Variants in SYCP1 observed in about 807,000 individuals in gnomAD.
SYCP1 encodes cancer/testis antigen 8.
A neutral mutation model predicts 153.1 loss-of-function variants in SYCP1; 64 were observed. That is an observed-to-expected ratio of 0.42 (90% CI 0.34 to 0.51). SYCP1 has a LOEUF of 0.51. Ranked by LOEUF, SYCP1 falls within the 20% of genes least tolerant of loss-of-function variation. The probability of loss-of-function intolerance (pLI) is 0.06; values close to 1 mark genes in which losing one functional copy is unlikely to be tolerated. For synonymous variants in SYCP1, 384 were observed against 341.8 expected (o/e 1.12, Z -1.36); for missense variants, 997 against 1,049.0 (o/e 0.95, Z 0.68).
rs1015769625 is a variant in SYCP1 at position 114,910,482 on chromosome 1, G to C, written c.1406G>C (p.Gly469Ala). ...ELKGTEQELI[G>A]LLQAREKEVH... Reference sequence around the variant, plus strand: ...AAAGGAACAGAACAAGAACTAATTGGTCTTCTCCAAGCCAGAGAGGTTTGT... The same window carrying C: ...AAAGGAACAGAACAAGAACTAATTGCTCTTCTCCAAGCCAGAGAGGTTTGT... Residue 469 changes from glycine to alanine, a missense_variant, in exon 17 of 32, where the codon GGT becomes GCT. Gly to Ala is a moderately conservative substitution (Grantham distance 60). This residue lies in a region of SYCP1 where 712 missense variants were observed against 682.9 expected (regional missense o/e 1.04). Transcript: ENST00000369522. 3 of 1,585,218 alleles carry C rather than the reference G, an allele frequency of 1.9e-6. No homozygotes were observed. The highest frequency in any genetic ancestry group is 2.7e-5 in the African/African-American group (2 of 73,260).
rs1570824351 is a variant in SYCP1 at position 114,944,262 on chromosome 1, C to T, written c.1927-77C>T. On this transcript the variant is annotated intron_variant, in intron 23 of 31. Transcript: ENST00000369522. Reference sequence around the variant, plus strand: ...AAGTAATCTTCTAAGATTCACAAAACCACAAAATGAATATGGAATGTTTTC... The same window carrying T: ...AAGTAATCTTCTAAGATTCACAAAATCACAAAATGAATATGGAATGTTTTC... 6 of 848,938 alleles carry T rather than the reference C, an allele frequency of 7.1e-6. No homozygotes were observed. In the East Asian group the frequency reaches 1.7e-4, roughly 24 times the overall value. 52.6% of individuals were successfully genotyped at this position (848,938 alleles called of 1,614,324 possible).
In SYCP1 at chr1:114,910,451, G is replaced by A. The variant is rs757017505; in HGVS notation, c.1375G>A (p.Glu459Lys). ...ENKQFEKIAE[E>K]LKGTEQELIG... is the part of the protein sequence containing the mutation. ...TAAACAATTTGAGAAGATTGCTGAA[G>A]AATTAAAAGGAACAGAACAAGAACT... Residue 459 changes from glutamate to lysine, a missense_variant, in exon 17 of 32, where the codon GAA becomes AAA. Glu to Lys is a moderately conservative substitution (Grantham distance 56). Transcript: ENST00000369522. 6.2e-7 allele frequency: 1 copy of A among 1,604,510 alleles called. No homozygotes were observed. Among genetic ancestry groups the A allele is most frequent in the Non-Finnish European group, 8.5e-7 (1 of 1,176,278 alleles).
chr1:114,857,136 CAAAAA>C (rs71582509), intron 3 of SYCP1, 91 bp from the exon 4 acceptor site: 539 of 244,576 alleles, frequency 2.2e-3, no homozygotes, highest in East Asian at 3.4e-3. Context: ...CTCTCTCTCT[CAAAAA>C]AAAAAAAAAA....
At chr1:114,970,856 T>C (rs950649502) in intron 27 of SYCP1, among the ~76,000 whole-genome samples, 5 of 152,024 alleles carry the variant, frequency 3.3e-5, no homozygotes, top group African/African-American at 1.2e-4. Context: ...TTGGTTGTAG[T>C]TTTGTTTAGT....
intron 27 of SYCP1, among the ~76,000 whole-genome samples, chr1:114,967,530 C>G (rs1382165833): frequency 6.6e-6 from 1 of 152,116 alleles, no homozygotes; most frequent in Admixed American, 6.5e-5. Context: ...TTTCCATTTG[C>G]TTGGTAAATA....
intron 12 of SYCP1, among the ~76,000 whole-genome samples, chr1:114,885,156 T>G (rs1666206187): frequency 6.6e-6 from 1 of 152,154 alleles, no homozygotes; most frequent in African/African-American, 2.4e-5. Flanking sequence ...CCACTCTTTT[T>G]ATTCTATGTT....
intron 8 of SYCP1, among the ~76,000 whole-genome samples, chr1:114,871,296 T>G (rs991087167): frequency 6.6e-6 from 1 of 151,756 alleles, no homozygotes; most frequent in African/African-American, 2.4e-5. Flanking sequence ...GCCTCCTGAG[T>G]AGCTGAGATT....
intron 28 of SYCP1, among the ~76,000 whole-genome samples, chr1:114,978,454 C>G (rs866254327): frequency 7.9e-5 from 12 of 151,506 alleles, no homozygotes; most frequent in Admixed American, 3.3e-4. Context: ...GAATGTTACC[C>G]TAGTGGTACT....
At chr1:114,926,645 G>A in intron 23 of SYCP1, 82 bp downstream of exon 23, 1 of 1,193,468 alleles carries the variant, frequency 8.4e-7, no homozygotes, top group Non-Finnish European at 1.2e-6. Context: ...TGTTTATACA[G>A]TATAAATTCA....
chr1:114,856,795 A>G (rs1012213964), intron 3 of SYCP1, 138 bp downstream of exon 3: 4 of 649,830 alleles, frequency 6.2e-6, no homozygotes, highest in Non-Finnish European at 9.9e-6. Flanking sequence ...AATATAAAAA[A>G]TAAGGCTGGA....
At position 114,880,773 on chromosome 1, in the gene SYCP1, C is replaced by A. The variant is rs1414079013; in HGVS notation, c.910+2571C>A. 1.3e-5 allele frequency among the ~76,000 whole-genome samples: 2 copies of A among 152,050 alleles called. 1 individual carries two copies. The highest frequency in any genetic ancestry group is 4.1e-4 in the South Asian group (2 of 4,822). ...TTTTAAGAATCTTAGCCCGTTTAGT[C>A]CTTTTATGTCATTTTGTCTTTTCTG... On this transcript the variant is annotated intron_variant, in intron 12 of 31. Coordinates refer to ENST00000369522, the MANE Select transcript of SYCP1 (RefSeq NM_003176.4).
At chr1:114,954,786 G>T (rs1039945668) in intron 27 of SYCP1, among the ~76,000 whole-genome samples, 4 of 151,994 alleles carry the variant, frequency 2.6e-5, no homozygotes, top group African/African-American at 9.7e-5. Flanking sequence ...TCACCATGTT[G>T]TCCAGGATGG....
intron 21 of SYCP1, among the ~76,000 whole-genome samples, chr1:114,925,543 T>G (rs1669196801): frequency 6.6e-6 from 1 of 152,172 alleles, no homozygotes; most frequent in Non-Finnish European, 1.5e-5. Context: ...TGAATTTCAT[T>G]ACACTTTTCT....
rs150241710 is a variant in SYCP1, at chr1:114,855,341, C to G, written c.-24-100C>G. On this transcript the variant is annotated intron_variant, in intron 1 of 31. Coordinates refer to ENST00000369522, the MANE Select transcript of SYCP1 (RefSeq NM_003176.4). ...GCCCCGTGGATTCCTTTTTTTTTAG[C>G]CATTTAGTTTGTAAACATCACTTTA... The G allele has an allele frequency of 2.3e-3, 1,301 of 560,346 alleles. 20 individuals carry two copies. Among genetic ancestry groups the G allele is most frequent in the African/African-American group, 0.023 (1,180 of 51,722 alleles). 34.7% of individuals were successfully genotyped at this position (560,346 alleles called of 1,614,324 possible).
At chr1:114,992,327 C>G (rs529318087) in intron 30 of SYCP1, among the ~76,000 whole-genome samples, 1 of 151,578 alleles carries the variant, frequency 6.6e-6, no homozygotes, top group South Asian at 2.1e-4. Flanking sequence ...GCAAAGGGCC[C>G]CAAAAGGCTA....
intron 23 of SYCP1, among the ~76,000 whole-genome samples, chr1:114,927,780 A>G (rs752705501): frequency 3.9e-5 from 6 of 152,056 alleles, no homozygotes; most frequent in Non-Finnish European, 5.9e-5. Context: ...TAAGTGTGTA[A>G]TTGGAGTCCC....
chr1:114,857,166 A>AC, intron 3 of SYCP1, 66 bp from the exon 4 acceptor site: 2 of 1,131,510 alleles, frequency 1.8e-6, no homozygotes, highest in Non-Finnish European at 2.5e-6. Context: ...AAGAGAAAAA[A>AC]GAAAAAAAAA....
chr1:114,933,451 A>G (rs2101770189), intron 23 of SYCP1, among the ~76,000 whole-genome samples: 1 of 152,338 alleles, frequency 6.6e-6, no homozygotes, highest in Non-Finnish European at 1.5e-5. Flanking sequence ...GGGAGAAACC[A>G]GAGCAGAAAA....
intron 19 of SYCP1, among the ~76,000 whole-genome samples, chr1:114,913,396 T>G (rs1019118897): frequency 2.0e-5 from 3 of 152,024 alleles, no homozygotes; most frequent in African/African-American, 7.2e-5. Context: ...ATCAAGATTT[T>G]TAAAAAGTAT....
Sources: gnomAD v4.1 joint callset for allele counts (sites outside exome capture counted in the v4.1 genomes callset) on GRCh38, gnomAD v4.1.1 for gene constraint, gnomAD v4.1.1 regional missense constraint, MANE v1.5 for transcripts, NCBI Gene and HGNC (gene_info 2026-07-23, HGNC 2026-07-21) for gene names.